The following PRRT4 variants were observed in gnomAD, a reference collection of about 807,000 sequenced individuals.
PRRT4 encodes proline rich transmembrane protein 4.
PRRT4 carries 59 observed loss-of-function variants against 55.6 expected under a neutral mutation model. That is an observed-to-expected ratio of 1.06 (90% confidence interval 0.86 to 1.32). The LOEUF (loss-of-function observed/expected upper bound fraction) is 1.32, where lower values mean the gene tolerates loss of function less well. PRRT4 is among the 40% of genes most tolerant of loss of function. PRRT4 has a pLI of 0.00. For synonymous variants in PRRT4, 606 were observed against 601.8 expected (o/e 1.01, Z -0.10); for missense variants, 1,217 against 1,222.0 (o/e 1.00, Z 0.06).
intron 4 of PRRT4, among the ~76,000 whole-genome samples, chr7:128,354,494 G>T (rs1301884223): frequency 1.3e-5 from 2 of 152,124 alleles, no homozygotes; most frequent in Admixed American, 1.3e-4. Context: ...AACCGGGGAG[G>T]CGGAGGTTGC....
At chr7:128,351,813 G>A in exon 5 of PRRT4, 1 of 1,416,432 alleles carries the variant, frequency 7.1e-7, no homozygotes, top group Non-Finnish European at 9.1e-7. Flanking sequence ...AGCCCAGGGC[G>A]TGCAGCACCT....
At position 128,351,584 on chromosome 7, in the gene PRRT4, G is replaced by A. The variant is rs1200925048; in HGVS notation, c.1972C>T (p.Pro658Ser). 3.3e-6 allele frequency: 5 copies of A among 1,503,334 alleles called. No individual in the cohort carries two copies. The Admixed American group carries it at 8.7e-5, about 26-fold the overall frequency. 93.1% of individuals were successfully genotyped at this position (1,503,334 alleles called of 1,614,324 possible). The change falls in exon 5 of 5, where the codon CCA becomes TCA. Residue 658 changes from proline (P) to serine (S), a missense_variant. Physicochemically the swap from Pro to Ser is moderately conservative, Grantham distance 74. This residue lies in a region of PRRT4 where 642 missense variants were observed against 600.9 expected (regional missense o/e 1.07). Coordinates refer to ENST00000535159, the Ensembl canonical transcript of PRRT4. ...GCGCTCCCCAGGGGCTCCTTGTCTG[G>A]GGGCCCAGTGACCCAGCCTCCCGGC... is the stretch of plus-strand genomic sequence containing the variant.
Position 128,351,298 on chromosome 7 carries a change from T to C in PRRT4, c.2258A>G (p.Glu753Gly), listed in dbSNP as rs998865154. Residue 753 changes from glutamate (E) to glycine (G), a missense_variant, in exon 5 of 5, where the codon GAG becomes GGG. Transcript: ENST00000535159. ...GAGTCCGAGCCCAGGCAGAGCGTCC[T>C]CGAAGGCAGGGCCCTGGAAGAGGCC... The C allele has an allele frequency of 1.7e-5, 26 of 1,542,996 alleles. No homozygotes were observed. Among genetic ancestry groups the C allele is most frequent in the Non-Finnish European group, 2.2e-5 (25 of 1,146,706 alleles).
intron 4 of PRRT4, among the ~76,000 whole-genome samples, chr7:128,352,893 C>T (rs1458233165): frequency 1.3e-5 from 2 of 152,042 alleles, no homozygotes; most frequent in Non-Finnish European, 2.9e-5. Flanking sequence ...CATCCTTCCC[C>T]TCTTCCTTCT....
chr7:128,357,475 C>T (rs912318218), intron 4 of PRRT4, among the ~76,000 whole-genome samples: 12 of 152,212 alleles, frequency 7.9e-5, no homozygotes, highest in South Asian at 4.2e-4. Context: ...TCACCAAGGC[C>T]GACAGACTGC....
intron 1 of PRRT4, among the ~76,000 whole-genome samples, chr7:128,360,461 A>C (rs1424569386): frequency 6.6e-6 from 1 of 152,194 alleles, no homozygotes; most frequent in Non-Finnish European, 1.5e-5. Context: ...AACTGTGAAC[A>C]AGCAAGCCCT....
chr7:128,356,161 A>G (rs1305520763), intron 4 of PRRT4, among the ~76,000 whole-genome samples: 1 of 152,210 alleles, frequency 6.6e-6, no homozygotes, highest in Non-Finnish European at 1.5e-5. Flanking sequence ...CAGGAGGCTG[A>G]GGCAGGAGAA....
At chr7:128,350,694 A>G, downstream of PRRT4, 1 of 1,117,848 alleles carries the variant, frequency 8.9e-7, no homozygotes, top group Non-Finnish European at 1.2e-6. Context: ...CAATCGATAG[A>G]GCCTGGCTGC....
chr7:128,359,909 G>A (rs1265851382), exon 2 of PRRT4: 1 of 1,459,868 alleles, frequency 6.8e-7, no homozygotes, highest in South Asian at 1.4e-5. Context: ...ACCTGGGATG[G>A]AGGGGGTGGG....
exon 5 of PRRT4, chr7:128,352,619 G>C: frequency 2.6e-6 from 4 of 1,541,778 alleles, no homozygotes; most frequent in Non-Finnish European, 3.5e-6. Flanking sequence ...TGCCCCGAAG[G>C]GTTCCCGAGG....
At chr7:128,361,099 T>TCA (rs1259634582) in intron 1 of PRRT4, among the ~76,000 whole-genome samples, 44 of 127,544 alleles carry the variant, frequency 3.4e-4, no homozygotes, top group East Asian at 8.5e-4. Flanking sequence ...TCTCTCTCTC[T>TCA]CTCTCACACA....
intron 4 of PRRT4, among the ~76,000 whole-genome samples, chr7:128,357,309 C>T (rs1454358443): frequency 6.6e-6 from 1 of 151,662 alleles, no homozygotes; most frequent in Non-Finnish European, 1.5e-5. Flanking sequence ...CTCCAGGAGG[C>T]CTATAGCTCT....
At position 128,353,485 on chromosome 7, in the gene PRRT4, G is replaced by A. The variant is rs563050767; in HGVS notation, c.878-807C>T. ...CACACACACACACACGTACATCAGGGGAGAGGTAAGACAATGCTGTCTCAG... is the reference window on the plus strand; with the variant it reads ...CACACACACACACACGTACATCAGGAGAGAGGTAAGACAATGCTGTCTCAG... On this transcript the variant is annotated intron_variant, in intron 4 of 4. Transcript: ENST00000535159. Among the ~76,000 whole-genome samples, 13 of 152,092 alleles carry A rather than the reference G, an allele frequency of 8.5e-5. 2 individuals carry two copies. The East Asian group carries it at 1.5e-3, about 18-fold the overall frequency.
exon 2 of PRRT4, chr7:128,359,931 C>T: frequency 1.4e-6 from 2 of 1,454,222 alleles, no homozygotes; most frequent in Non-Finnish European, 9.1e-7. Flanking sequence ...TGGGGGCCCA[C>T]AGTAGCAGCA....
Position 128,358,627 on chromosome 7 carries a change from A to G in PRRT4, c.877+54T>C. The G allele has an allele frequency of 6.9e-7, 1 of 1,458,820 alleles. No individual in the cohort carries two copies. 90.4% of individuals were successfully genotyped at this position (1,458,820 alleles called of 1,614,324 possible). ...CCCAGAACACTGATGAGTGACTAGC[A>G]TGTAGTAAGTGCTCAATAAATAATT... On this transcript the variant is annotated intron_variant, in intron 4 of 4. Coordinates refer to ENST00000535159, the Ensembl canonical transcript of PRRT4. This position sits in a 1 kb window ranked among gnomAD's most constrained non-coding sequence, Gnocchi z 4.4.
At chr7:128,359,662 G>T in exon 2 of PRRT4, 1 of 1,550,558 alleles carries the variant, frequency 6.4e-7, no homozygotes, top group Non-Finnish European at 8.7e-7. Flanking sequence ...CCCACTCAGT[G>T]AGAGAGTTCC....
exon 5 of PRRT4, chr7:128,350,977 C>T (rs990410036): frequency 1.9e-6 from 3 of 1,550,878 alleles, no homozygotes; most frequent in African/African-American, 1.4e-5. Flanking sequence ...TGGGGAGTCG[C>T]GAGAGGGTGG....
rs780582000 is a variant in PRRT4, at chr7:128,359,323, AT to A, written c.652+16del. On this transcript the variant is annotated intron_variant, in intron 2 of 4. Coordinates refer to ENST00000535159, the Ensembl canonical transcript of PRRT4. ...GTGCCCAGCAGGGGCTTTCCTTGGG[AT>A]GGGGTGGTTACTCACCAAAGGGTCC... 49 of 1,505,444 alleles carry A rather than the reference AT, an allele frequency of 3.3e-5. No individual in the cohort carries two copies. Among genetic ancestry groups the A allele is most frequent in the Non-Finnish European group, 1.8e-6 (2 of 1,128,120 alleles). 93.3% of individuals were successfully genotyped at this position (1,505,444 alleles called of 1,614,324 possible).
At chr7:128,350,823 G>A (rs1796940271), downstream of PRRT4, 1 of 1,544,138 alleles carries the variant, frequency 6.5e-7, no homozygotes, top group East Asian at 2.5e-5. Flanking sequence ...GCCAGAAAGG[G>A]GCATATCGCA....
Sources: gnomAD v4.1 joint callset for allele counts (sites outside exome capture counted in the v4.1 genomes callset) on GRCh38, gnomAD v4.1.1 for gene constraint, gnomAD v4.1.1 regional missense constraint, Gnocchi (gnomAD v3.1) non-coding constraint, MANE v1.5 for transcripts, NCBI Gene and HGNC (gene_info 2026-07-23, HGNC 2026-07-21) for gene names.